Variants in SCRN3 observed in about 807,000 individuals in gnomAD.
SCRN3 encodes the protein secernin 3, also known as secernin-3.
A neutral mutation model predicts 43.1 loss-of-function variants in SCRN3; 39 were observed. The ratio of observed to expected loss-of-function variants is 0.91; its 90% CI spans 0.70 to 1.18. SCRN3 has a LOEUF of 1.18. Among genes scored for constraint, SCRN3 ranks in the 50% most tolerant of loss-of-function variants. SCRN3 has a pLI of 0.00. For missense variants in SCRN3, 484 were observed against 498.0 expected, an observed-to-expected ratio of 0.97 and a Z score of 0.27; for synonymous variants, 147 against 163.1, an observed-to-expected ratio of 0.90 and a Z score of 0.75.
At chr2:174,395,960 G>A in intron 1 of SCRN3, 143 bp downstream of exon 1, 1 of 1,395,386 alleles carries the variant, frequency 7.2e-7, no homozygotes, top group Non-Finnish European at 9.3e-7. Context: ...CCGGGGTGCG[G>A]GGTGGACCGC....
chr2:174,422,799 A>T (rs1013501741), intron 5 of SCRN3, 86 bp from the exon 6 acceptor site: 9 of 766,878 alleles, frequency 1.2e-5, no homozygotes, highest in Non-Finnish European at 1.9e-5. Context: ...AATATCTCAC[A>T]TATTATCAGT....
In SCRN3 at chr2:174,395,737, G is replaced by A. The variant is rs1685279015; in HGVS notation, c.-90G>A. ...CAAGGGGGAACTTCCGAGATCAAAGGTGACAGCTTCCGGCAACTGATGCCT... is the reference window on the plus strand; with the variant it reads ...CAAGGGGGAACTTCCGAGATCAAAGATGACAGCTTCCGGCAACTGATGCCT... On this transcript the variant is annotated 5_prime_UTR_variant, in exon 1 of 8. The change creates a new upstream start codon in the 5' untranslated region. Transcript: ENST00000272732. 6 of 1,603,878 alleles carry A rather than the reference G, an allele frequency of 3.7e-6. No homozygotes were observed. The highest frequency in any genetic ancestry group is 1.3e-5 in the African/African-American group (1 of 74,874).
intron 1 of SCRN3, chr2:174,397,054 A>C (rs1254876650): frequency 6.1e-6 from 6 of 981,246 alleles, no homozygotes; most frequent in Non-Finnish European, 7.3e-6. Context: ...ATAAAACACA[A>C]ATAGAAGGAG....
At chr2:174,426,938 T>C (rs1559086339) in intron 7 of SCRN3, among the ~76,000 whole-genome samples, 1 of 151,874 alleles carries the variant, frequency 6.6e-6, no homozygotes, top group Non-Finnish European at 1.5e-5. Context: ...GTTCAAGCGA[T>C]TCTCCTGCCT....
chr2:174,410,416 C>T (rs1331044323), intron 5 of SCRN3: 2 of 154,438 alleles, frequency 1.3e-5, no homozygotes, highest in Non-Finnish European at 2.9e-5. Flanking sequence ...AATCACCCCT[C>T]TTCTGCGTCG....
At chr2:174,396,014 T>A (rs889338213) in intron 1 of SCRN3, 197 bp downstream of exon 1, 32 of 1,347,402 alleles carry the variant, frequency 2.4e-5, no homozygotes, top group African/African-American at 3.0e-5. Flanking sequence ...AGCCCATTAC[T>A]TTCTGTGGAC....
At chr2:174,423,456 C>T (rs1408444098) in intron 6 of SCRN3, among the ~76,000 whole-genome samples, 1 of 151,972 alleles carries the variant, frequency 6.6e-6, no homozygotes, top group Non-Finnish European at 1.5e-5. Context: ...TCAATAGTTC[C>T]AGTTTTATTT....
In SCRN3 at chr2:174,399,996, G is replaced by A. The variant is rs1447675236; in HGVS notation, c.234G>A (p.Gly78=). ...VVLSRPAWLW[G]AEMGANEHGV... ...TGAGTCGCCCAGCGTGGTTGTGGGG[G>A]GCAGAAATGGGAGCCAATGAGCATG... is the stretch of plus-strand genomic sequence containing the variant. The change falls in exon 3 of 8, where the codon GGG becomes GGA. Residue 78 remains glycine (G), a synonymous_variant. Coordinates refer to ENST00000272732, the MANE Select transcript of SCRN3 (RefSeq NM_024583.5). 6.3e-7 allele frequency: 1 copy of A among 1,598,072 alleles called. No homozygotes were observed. The highest frequency in any genetic ancestry group is 1.8e-5 in the Admixed American group (1 of 56,880).
rs141690237 is a variant in SCRN3 at position 174,412,178 on chromosome 2, T to G, written c.754+7863T>G. On this transcript the variant is annotated intron_variant, in intron 5 of 7. Transcript: ENST00000272732. ...ATGATCCAGGAGTGAGTTTCATGGT[T>G]GTTGTTGTTCTTGTTTTTCTCATTT... Among the ~76,000 whole-genome samples, 725 of 151,970 alleles carry G rather than the reference T, an allele frequency of 4.8e-3. 6 individuals carry two copies. In the South Asian group the frequency reaches 0.062, roughly 13 times the overall value.
rs545889886 is a variant in SCRN3, at chr2:174,410,096, C to G, written c.754+5781C>G. 13 of 159,558 alleles carry G rather than the reference C, an allele frequency of 8.1e-5. No homozygotes were observed. The South Asian group carries it at 2.3e-3, about 28-fold the overall frequency. 9.9% of individuals were successfully genotyped at this position (159,558 alleles called of 1,614,324 possible). A position where few individuals can be genotyped will look rare whatever the true frequency, so the allele number is the denominator to read the frequency against. On this transcript the variant is annotated intron_variant, in intron 5 of 7. Coordinates refer to ENST00000272732, the MANE Select transcript of SCRN3 (RefSeq NM_024583.5). Reference sequence around the variant, plus strand: ...TGCAGTTTGATCTCAGACCGCTGTGCTAGCAATCAGCGAGATTCCGTGGGC... The same window carrying G: ...TGCAGTTTGATCTCAGACCGCTGTGGTAGCAATCAGCGAGATTCCGTGGGC...
intron 4 of SCRN3, among the ~76,000 whole-genome samples, chr2:174,402,918 C>G (rs951083594): frequency 4.0e-5 from 6 of 151,852 alleles, no homozygotes; most frequent in African/African-American, 1.5e-4. Flanking sequence ...CTAAGACAGG[C>G]TTTTATTTTT....
intron 4 of SCRN3, among the ~76,000 whole-genome samples, chr2:174,402,441 A>G (rs1210196061): frequency 6.6e-6 from 1 of 152,244 alleles, no homozygotes. Flanking sequence ...TAATCCCAGC[A>G]CTTTGAGAGG....
intron 5 of SCRN3, among the ~76,000 whole-genome samples, chr2:174,419,348 A>T (rs954186695): frequency 6.6e-6 from 1 of 152,224 alleles, no homozygotes; most frequent in African/African-American, 2.4e-5. Flanking sequence ...CATATAAAGT[A>T]TCTAAAAATA....
intron 5 of SCRN3, among the ~76,000 whole-genome samples, chr2:174,414,533 A>G (rs1292390267): frequency 6.6e-6 from 1 of 152,172 alleles, no homozygotes; most frequent in Non-Finnish European, 1.5e-5. Context: ...TTCTGTTTCA[A>G]TATATACAGA....
chr2:174,395,754 C>A lies in SCRN3; in HGVS notation c.-73C>A. On this transcript the variant is annotated 5_prime_UTR_variant, in exon 1 of 8. In the 5' UTR this introduces an upstream ATG that the reference lacks. Transcript: ENST00000272732. Reference sequence around the variant, plus strand: ...GATCAAAGGTGACAGCTTCCGGCAACTGATGCCTCCACTGGCCACTCCTCC... The same window carrying A: ...GATCAAAGGTGACAGCTTCCGGCAAATGATGCCTCCACTGGCCACTCCTCC... 1 of 1,591,032 alleles carries A rather than the reference C, an allele frequency of 6.3e-7. No homozygotes were observed. Among genetic ancestry groups the A allele is most frequent in the Non-Finnish European group, 8.6e-7 (1 of 1,167,828 alleles).
chr2:174,398,402 T>C lies in SCRN3; in HGVS notation c.119T>C (p.Phe40Ser), dbSNP rs36074454. 6 of 1,604,306 alleles carry C rather than the reference T, an allele frequency of 3.7e-6. No homozygotes were observed. Among genetic ancestry groups the C allele is most frequent in the African/African-American group, 2.7e-5 (2 of 74,376 alleles). The change falls in exon 2 of 8, where the codon TTT becomes TCT. Residue 40 changes from phenylalanine (F) to serine (S), a missense_variant. By Grantham distance (155) the Phe-to-Ser change is radical. Transcript: ENST00000272732. ...LYDEVQEVVYFPAVVHDNLGE... is the reference protein window; with the variant it reads ...LYDEVQEVVYSPAVVHDNLGE... The stretch of plus-strand genomic sequence containing the variant: ...GATGAAGTACAAGAGGTGGTTTATT[T>C]TCCTGCTGTAGTTCATGATAACCTG...
At chr2:174,396,789 ACTC>A in intron 1 of SCRN3, among the ~76,000 whole-genome samples, 1 of 146,562 alleles carries the variant, frequency 6.8e-6, no homozygotes. Context: ...CAAGAGTTAA[ACTC>A]CATCAAAAAA....
At chr2:174,409,379 T>G (rs1685816846) in intron 5 of SCRN3, among the ~76,000 whole-genome samples, 1 of 148,250 alleles carries the variant, frequency 6.7e-6, no homozygotes, top group South Asian at 2.2e-4. Context: ...TTTCAAAGTT[T>G]TTAACTTCTT....
chr2:174,396,802 A>C (rs1446787173), intron 1 of SCRN3, among the ~76,000 whole-genome samples: 2 of 143,484 alleles, frequency 1.4e-5, no homozygotes, highest in African/African-American at 2.5e-5. Context: ...CCATCAAAAA[A>C]AAAAAACAAA....
Sources: gnomAD v4.1 joint callset for allele counts (sites outside exome capture counted in the v4.1 genomes callset) on GRCh38, gnomAD v4.1.1 for gene constraint, MANE v1.5 for transcripts, NCBI Gene and HGNC (gene_info 2026-07-23, HGNC 2026-07-21) for gene names.